The following MEP1A variants were observed in gnomAD, a reference collection of about 807,000 sequenced individuals.
MEP1A encodes the protein N-benzoyl-L-tyrosyl-P-amino-benzoic acid hydrolase subunit alpha.
A neutral mutation model predicts 84.5 loss-of-function variants in MEP1A; 68 were observed. The observed-to-expected ratio is 0.80, with a 90% CI of 0.66 to 0.98. The LOEUF is 0.98. Ranked by LOEUF, MEP1A falls within the 50% of genes least tolerant of loss-of-function variation. The probability of loss-of-function intolerance (pLI) is 0.00; values close to 1 mark genes in which losing one functional copy is unlikely to be tolerated. For missense variants in MEP1A, 887 were observed against 919.9 expected, an observed-to-expected ratio of 0.96 and a Z score of 0.46; for synonymous variants, 337 against 336.8, an observed-to-expected ratio of 1.00 and a Z score of -0.01.
Position 46,809,552 on chromosome 6 carries a change from T to C in MEP1A, c.380+15T>C. 3 of 1,535,148 alleles carry C rather than the reference T, an allele frequency of 2.0e-6. No homozygotes were observed. The highest frequency in any genetic ancestry group is 2.7e-6 in the Non-Finnish European group (3 of 1,115,046). On this transcript the variant is annotated intron_variant, in intron 6 of 13. Transcript: ENST00000230588. ...CAGTTTGATGGGTTGGTATGAAATT[T>C]TACGGAGTGAAAATCATGCATACTT...
intron 5 of MEP1A, among the ~76,000 whole-genome samples, chr6:46,808,406 A>C (rs1485049871): frequency 6.6e-6 from 1 of 152,120 alleles, no homozygotes; most frequent in African/African-American, 2.4e-5. Context: ...AAATGAAATA[A>C]AGGCCAGAAA....
chr6:46,837,815 A>T (rs1200255123), intron 13 of MEP1A, among the ~76,000 whole-genome samples: 1 of 152,240 alleles, frequency 6.6e-6, no homozygotes. Context: ...CTGATTTCTA[A>T]GAAGTCAATT....
chr6:46,841,919 C>A (rs1045606676), downstream of MEP1A, among the ~76,000 whole-genome samples: 4 of 152,166 alleles, frequency 2.6e-5, no homozygotes, highest in Admixed American at 6.5e-5. Flanking sequence ...ATGGAGGGAC[C>A]AGCTGGAGCC....
rs888527326 is a variant in MEP1A at position 46,795,350 on chromosome 6, G to A, written c.145+1634G>A. On this transcript the variant is annotated intron_variant, in intron 3 of 13. Transcript: ENST00000230588. The stretch of plus-strand genomic sequence containing the variant: ...GAGTGTTGCTATGTCACCCAGGCTC[G>A]AGTGCAGTGGTGCCATCTCGGCTCA... Among the ~76,000 whole-genome samples the A allele has an allele frequency of 3.3e-5, 5 of 151,966 alleles. No homozygotes were observed. The East Asian group carries it at 7.7e-4, about 24-fold the overall frequency.
intron 6 of MEP1A, among the ~76,000 whole-genome samples, chr6:46,810,343 G>C (rs76733209): frequency 0.011 from 1,653 of 152,056 alleles, 35 homozygotes; most frequent in African/African-American, 0.038. Context: ...ATTTGTTTGG[G>C]TTATTTGTAG....
intron 11 of MEP1A, among the ~76,000 whole-genome samples, 176 bp from the exon 12 acceptor site, chr6:46,834,402 G>A (rs576008244): frequency 1.3e-5 from 2 of 151,272 alleles, no homozygotes; most frequent in East Asian, 1.9e-4. Context: ...ATAGTAAATA[G>A]CCTAATTTTT....
At chr6:46,795,757 A>T (rs1481612278) in intron 3 of MEP1A, among the ~76,000 whole-genome samples, 1 of 152,086 alleles carries the variant, frequency 6.6e-6, no homozygotes. Context: ...TGCACAACAT[A>T]GAGCTCTCCT....
downstream of MEP1A, among the ~76,000 whole-genome samples, chr6:46,844,680 C>T (rs551212683): frequency 7.9e-5 from 12 of 152,324 alleles, no homozygotes; most frequent in African/African-American, 1.9e-4. Flanking sequence ...CAGCCCCCAA[C>T]AAAAATGGTC....
At chr6:46,818,947 A>G (rs1011252232) in intron 6 of MEP1A, among the ~76,000 whole-genome samples, 3 of 152,132 alleles carry the variant, frequency 2.0e-5, no homozygotes, top group Non-Finnish European at 4.4e-5. Context: ...GCAACATGGC[A>G]AAACCCTGTC....
In MEP1A at chr6:46,817,993, T is replaced by C. The variant is rs549983778; in HGVS notation, c.381-1536T>C. ...GAAAGACAAGGTCAAAAGTTCTCAGTGAGGTGGAATGTATGGTATTTTTGC... is the reference window on the plus strand; with the variant it reads ...GAAAGACAAGGTCAAAAGTTCTCAGCGAGGTGGAATGTATGGTATTTTTGC... On this transcript the variant is annotated intron_variant, in intron 6 of 13. Transcript: ENST00000230588. Among the ~76,000 whole-genome samples, 11 of 152,310 alleles carry C rather than the reference T, an allele frequency of 7.2e-5. No individual in the cohort carries two copies. In the South Asian group the frequency reaches 1.9e-3, roughly 26 times the overall value.
chr6:46,810,501 G>T (rs1325064163), intron 6 of MEP1A, among the ~76,000 whole-genome samples: 1 of 151,992 alleles, frequency 6.6e-6, no homozygotes. Flanking sequence ...CTTTGTTTTT[G>T]TTGCATTTGC....
In MEP1A at chr6:46,807,787, G is replaced by GAAAA. The variant is rs1162131960; in HGVS notation, c.263-1630_263-1629insAAAA. Reference sequence around the variant, plus strand: ...GGGAGAAAGGAAAGAAAGAAAGAAAGAAAGAAAGAAAGAAAGAAAGAAAGA... The same window carrying GAAAA: ...GGGAGAAAGGAAAGAAAGAAAGAAAGAAAAAAAGAAAGAAAGAAAGAAAGAAAGA... On this transcript the variant is annotated intron_variant, in intron 5 of 13. Transcript: ENST00000230588. Among the ~76,000 whole-genome samples, 29 of 112,384 alleles carry GAAAA rather than the reference G, an allele frequency of 2.6e-4. 1 individual carries two copies. Among genetic ancestry groups the GAAAA allele is most frequent in the African/African-American group, 8.6e-4 (28 of 32,628 alleles). The allele number at this position is 112,384 out of a possible 152,430, so 73.7% of individuals were successfully genotyped here. A position where few individuals can be genotyped will look rare whatever the true frequency, so the allele number is the denominator to read the frequency against.
chr6:46,843,438 T>G (rs1297126070), downstream of MEP1A, among the ~76,000 whole-genome samples: 1 of 152,216 alleles, frequency 6.6e-6, no homozygotes, highest in Non-Finnish European at 1.5e-5. Context: ...CCTATAGCTG[T>G]CTTGATAATT....
At chr6:46,837,669 A>T (rs1768244097) in intron 13 of MEP1A, among the ~76,000 whole-genome samples, 2 of 152,178 alleles carry the variant, frequency 1.3e-5, no homozygotes, top group African/African-American at 2.4e-5. Context: ...CACTCAGCCA[A>T]ACTATTGCTC....
intron 13 of MEP1A, 86 bp from the exon 14 acceptor site, chr6:46,838,894 T>C: frequency 1.6e-6 from 2 of 1,237,650 alleles, no homozygotes; most frequent in East Asian, 2.4e-5. Context: ...GCGTTTGCCA[T>C]TTTTATTGCT....
intron 3 of MEP1A, among the ~76,000 whole-genome samples, chr6:46,797,478 C>T (rs541618989): frequency 1.3e-5 from 2 of 152,182 alleles, no homozygotes; most frequent in Non-Finnish European, 2.9e-5. Flanking sequence ...CACCTGAGAA[C>T]AGATGTTTGG....
rs1562113488 is a variant in MEP1A at position 46,824,798 on chromosome 6, T to TAAATGATATATTTAATTAGATGTATTTAA, written c.557-473_557-472insAATGATATATTTAATTAGATGTATTTAAA. Among the ~76,000 whole-genome samples, 105 of 89,672 alleles carry TAAATGATATATTTAATTAGATGTATTTAA rather than the reference T, an allele frequency of 1.2e-3. 1 individual carries two copies. Among genetic ancestry groups the TAAATGATATATTTAATTAGATGTATTTAA allele is most frequent in the Admixed American group, 2.4e-3 (16 of 6,784 alleles). 58.8% of individuals were successfully genotyped at this position (89,672 alleles called of 152,430 possible). On this transcript the variant is annotated intron_variant, in intron 7 of 13. Transcript: ENST00000230588. ...GTATTTAAATAGATGTATTTAAATA[T>TAAATGATATATTTAATTAGATGTATTTAA]ATATAAATGATGTATTTAATTAGAT...
At chr6:46,812,485 T>C (rs1581672842) in intron 6 of MEP1A, among the ~76,000 whole-genome samples, 1 of 152,200 alleles carries the variant, frequency 6.6e-6, no homozygotes, top group East Asian at 1.9e-4. Flanking sequence ...GCTCTGATAT[T>C]TGTTGTTTCT....
At chr6:46,803,118 C>T (rs1202309118) in intron 5 of MEP1A, among the ~76,000 whole-genome samples, 1 of 151,394 alleles carries the variant, frequency 6.6e-6, no homozygotes, top group African/African-American at 2.4e-5. Context: ...TGGTAAAAAT[C>T]ACCAATAAAA....
Sources: gnomAD v4.1 joint callset for allele counts (sites outside exome capture counted in the v4.1 genomes callset) on GRCh38, gnomAD v4.1.1 for gene constraint, MANE v1.5 for transcripts, NCBI Gene and HGNC (gene_info 2026-07-23, HGNC 2026-07-21) for gene names.